NFIB: variants seen among roughly 807,000 people sequenced by gnomAD.
NFIB encodes the protein nuclear factor 1 B-type.
In NFIB, 11 loss-of-function variants were observed where a neutral mutation model predicts 61.5. That is an observed-to-expected ratio of 0.18 (90% confidence interval 0.11 to 0.30). The LOEUF is 0.30. Among genes scored for constraint, NFIB ranks in the 10% least tolerant of loss-of-function variants. NFIB has a pLI of 1.00. For synonymous variants in NFIB, 260 were observed against 216.5 expected, an observed-to-expected ratio of 1.20 and a Z score of -1.76; for missense variants, 471 against 608.9, an observed-to-expected ratio of 0.77 and a Z score of 2.38.
At position 14,175,167 on chromosome 9, in the gene NFIB, C is replaced by CTTTTTTTT. The variant is rs55765054; in HGVS notation, c.616+4552_616+4559dup. Among the ~76,000 whole-genome samples, 885 of 125,952 alleles carry CTTTTTTTT rather than the reference C, an allele frequency of 7.0e-3. 92 individuals are homozygous for CTTTTTTTT. The highest frequency in any genetic ancestry group is 0.027 in the African/African-American group (825 of 30,464). The allele number at this position is 125,952 out of a possible 152,430, so 82.6% of individuals were successfully genotyped here. A position where few individuals can be genotyped will look rare whatever the true frequency, so the allele number is the denominator to read the frequency against. Reference sequence around the variant, plus strand: ...AAAATTTTTATGACTTAAAGAATTTCTTTTTTTTTTTTTTTTTTTTGAGAT... The same window carrying CTTTTTTTT: ...AAAATTTTTATGACTTAAAGAATTTCTTTTTTTTTTTTTTTTTTTTTTTTTTTTGAGAT... On this transcript the variant is annotated intron_variant, in intron 3 of 10. Transcript: ENST00000380953.
upstream of NFIB, among the ~76,000 whole-genome samples, chr9:14,316,114 T>C (rs371727390): frequency 6.6e-5 from 10 of 152,302 alleles, no homozygotes; most frequent in African/African-American, 2.2e-4. Context: ...CAGTGACTTT[T>C]TCCTTCACCA....
At chr9:14,424,514 C>CGCGG in the NFIB span, among the ~76,000 whole-genome samples, 3 of 152,196 alleles carry the variant, frequency 2.0e-5, no homozygotes, top group Non-Finnish European at 4.4e-5. Flanking sequence ...CCCCAGTTTA[C>CGCGG]GCGGGGCGAC....
At chr9:14,269,248 G>C (rs1162253594) in intron 2 of NFIB, among the ~76,000 whole-genome samples, 1 of 152,062 alleles carries the variant, frequency 6.6e-6, no homozygotes, top group Non-Finnish European at 1.5e-5. Context: ...TTTTAAATCA[G>C]CATTTGCCAA....
chr9:14,191,716 ATCAATGCCTTCCAGATGT>A (rs2047969155), intron 2 of NFIB, among the ~76,000 whole-genome samples: 1 of 152,226 alleles, frequency 6.6e-6, no homozygotes, highest in African/African-American at 2.4e-5. Context: ...AATCTTAGAC[ATCAATGCCTTCCAGATGT>A]GACAAAATTT....
intron 1 of NFIB, among the ~76,000 whole-genome samples, chr9:14,320,964 C>G (rs2060645603): frequency 6.6e-6 from 1 of 152,004 alleles, no homozygotes; most frequent in Non-Finnish European, 1.5e-5. Flanking sequence ...ACTTAGAGAT[C>G]TTGTCTGTCC....
chr9:14,276,872 T>TA (rs2058040519), intron 2 of NFIB, among the ~76,000 whole-genome samples: 1 of 151,982 alleles, frequency 6.6e-6, no homozygotes, highest in South Asian at 2.1e-4. Context: ...TGTGCTTTTT[T>TA]AAAAAGTACA....
At chr9:14,520,578 G>C in the NFIB span, among the ~76,000 whole-genome samples, 1 of 152,172 alleles carries the variant, frequency 6.6e-6, no homozygotes, top group African/African-American at 2.4e-5. Context: ...TCCTTTAAAA[G>C]GAGGGGCTGA....
chr9:14,132,810 C>T (rs1007479296), intron 6 of NFIB, among the ~76,000 whole-genome samples: 7 of 152,202 alleles, frequency 4.6e-5, no homozygotes, highest in Admixed American at 3.9e-4. Flanking sequence ...ACGAGATCTC[C>T]TGCCTTGGCC....
chr9:14,249,232 T>G (rs1444925904), intron 2 of NFIB, among the ~76,000 whole-genome samples: 1 of 146,678 alleles, frequency 6.8e-6, no homozygotes, highest in African/African-American at 2.8e-5. Flanking sequence ...GGGGTAGATA[T>G]TATTATCTCT....
chr9:14,294,250 A>G lies in NFIB; in HGVS notation c.562+12739T>C, dbSNP rs2059280973. ...TTTGGAGACTGTAAATAGAACAGAA[A>G]TTGTTACATGATAACTATAAGTCAT... On this transcript the variant is annotated intron_variant, in intron 2 of 10. Transcript: ENST00000380953. 3.9e-5 allele frequency among the ~76,000 whole-genome samples: 6 copies of G among 152,212 alleles called. No individual in the cohort carries two copies. In the South Asian group the frequency reaches 1.0e-3, roughly 26 times the overall value.
At chr9:14,392,557 A>G (rs546926476) in intron 1 of NFIB, among the ~76,000 whole-genome samples, 2 of 152,044 alleles carry the variant, frequency 1.3e-5, no homozygotes, top group African/African-American at 2.4e-5. Flanking sequence ...GTGAAACCCT[A>G]TCTCTACAAA....
the NFIB span, among the ~76,000 whole-genome samples, chr9:14,414,313 T>C: frequency 0.18 from 27,252 of 151,320 alleles, 2,706 homozygotes; most frequent in African/African-American, 0.25. Flanking sequence ...CATGTGCCTG[T>C]AGTCCTAGCT....
intron 4 of NFIB, among the ~76,000 whole-genome samples, chr9:14,154,176 A>C (rs2131196636): frequency 6.6e-6 from 1 of 152,218 alleles, no homozygotes; most frequent in East Asian, 1.9e-4. Context: ...GAAGGTTCTA[A>C]TGTGGTTCTC....
At chr9:14,524,324 T>C in the NFIB span, among the ~76,000 whole-genome samples, 2 of 152,172 alleles carry the variant, frequency 1.3e-5, no homozygotes, top group Admixed American at 1.3e-4. Flanking sequence ...TCAAATGTGC[T>C]AGGGTGTTTT....
At chr9:14,328,963 G>A (rs1402515072) in intron 1 of NFIB, among the ~76,000 whole-genome samples, 1 of 152,198 alleles carries the variant, frequency 6.6e-6, no homozygotes, top group Non-Finnish European at 1.5e-5. Context: ...AGTGGAAGGT[G>A]AGACTTTTTG....
chr9:14,233,711 T>C (rs2053447912), intron 2 of NFIB, among the ~76,000 whole-genome samples: 2 of 152,196 alleles, frequency 1.3e-5, no homozygotes, highest in South Asian at 4.1e-4. Flanking sequence ...ATTACAGGCG[T>C]GAACCACTGG....
At chr9:14,446,184 G>A in the NFIB span, among the ~76,000 whole-genome samples, 1 of 152,084 alleles carries the variant, frequency 6.6e-6, no homozygotes, top group Non-Finnish European at 1.5e-5. Context: ...TTGTTTGTAT[G>A]TTATGTTTTC....
intron 10 of NFIB, among the ~76,000 whole-genome samples, chr9:14,091,618 C>T (rs907852980): frequency 6.6e-6 from 1 of 151,964 alleles, no homozygotes; most frequent in African/African-American, 2.4e-5. Context: ...TCAAATTCAG[C>T]TACTTCAGCA....
intron 2 of NFIB, among the ~76,000 whole-genome samples, chr9:14,264,199 TA>T (rs2057011065): frequency 6.6e-6 from 1 of 150,506 alleles, no homozygotes; most frequent in African/African-American, 2.4e-5. Flanking sequence ...AAAAAGCAAA[TA>T]GATATCCCTA....
Sources: allele counts gnomAD v4.1 joint callset (sites outside exome capture counted in the v4.1 genomes callset), GRCh38; gene constraint gnomAD v4.1.1; transcripts MANE v1.5; gene names NCBI Gene and HGNC (gene_info 2026-07-23, HGNC 2026-07-21).